ORC1: variants seen among roughly 807,000 people sequenced by gnomAD.
The protein encoded by ORC1 is origin recognition complex subunit 1.
ORC1 carries 61 observed loss-of-function variants against 98.9 expected under a neutral mutation model. The observed-to-expected ratio is 0.62, with a 90% CI of 0.50 to 0.76. The LOEUF (loss-of-function observed/expected upper bound fraction) is 0.76. Among genes scored for constraint, ORC1 ranks in the 30% least tolerant of loss-of-function variants. The pLI is 0.00. For missense variants in ORC1, 979 were observed against 1,072.2 expected, an observed-to-expected ratio of 0.91 and a Z score of 1.21; for synonymous variants, 385 against 406.9, an observed-to-expected ratio of 0.95 and a Z score of 0.65.
intron 13 of ORC1, among the ~76,000 whole-genome samples, chr1:52,382,496 G>A (rs1647084493): frequency 6.6e-6 from 1 of 151,924 alleles, no homozygotes; most frequent in Non-Finnish European, 1.5e-5. Context: ...GCCTGTGAGG[G>A]CAGACATTGC....
chr1:52,401,935 T>C (rs1647729339), intron 2 of ORC1, among the ~76,000 whole-genome samples, 194 bp downstream of exon 2: 1 of 152,222 alleles, frequency 6.6e-6, no homozygotes, highest in African/African-American at 2.4e-5. Context: ...GAGCCTGCCA[T>C]AATTTTGCTC....
At chr1:52,391,114 G>T (rs1647204122) in intron 6 of ORC1, among the ~76,000 whole-genome samples, 1 of 151,810 alleles carries the variant, frequency 6.6e-6, no homozygotes, top group African/African-American at 2.4e-5. Context: ...TTCGAGACCA[G>T]CCTGGCCAAT....
Position 52,383,946 on chromosome 1 carries a change from G to A in ORC1, c.1756-9C>T. The A allele has an allele frequency of 1.2e-6, 2 of 1,611,356 alleles. No homozygotes were observed. Among genetic ancestry groups the A allele is most frequent in the Non-Finnish European group, 1.7e-6 (2 of 1,177,464 alleles). On this transcript the variant is annotated splice_polypyrimidine_tract_variant and intron_variant, in intron 11 of 16. Coordinates refer to ENST00000371568, the MANE Select transcript of ORC1 (RefSeq NM_004153.4). ...TTTTGGCCTGTTAGCTTCTGCATTA[G>A]GAGAAACACAGTTGTGAGGAACTGT... is the stretch of plus-strand genomic sequence containing the variant.
At chr1:52,400,902 T>C (rs1297534984) in intron 3 of ORC1, among the ~76,000 whole-genome samples, 1 of 152,232 alleles carries the variant, frequency 6.6e-6, no homozygotes, top group Non-Finnish European at 1.5e-5. Context: ...ATCTTAAGTG[T>C]TTTTGTTTTC....
upstream of ORC1, chr1:52,408,869 G>A (rs970093867): frequency 6.2e-6 from 4 of 644,798 alleles, no homozygotes; most frequent in South Asian, 2.2e-5. Flanking sequence ...TACTAGCTTC[G>A]TGTTGGCCTT....
chr1:52,396,019 C>T, intron 5 of ORC1, 27 bp downstream of exon 5: 1 of 1,614,056 alleles, frequency 6.2e-7, no homozygotes, highest in Non-Finnish European at 8.5e-7. Context: ...CCCAGTATTG[C>T]CCACGGTGAT....
intron 3 of ORC1, among the ~76,000 whole-genome samples, 168 bp from the exon 4 acceptor site, chr1:52,398,031 T>G (rs1035045417): frequency 6.6e-6 from 1 of 152,106 alleles, no homozygotes; most frequent in African/African-American, 2.4e-5. Context: ...TGGCCCCATC[T>G]TGGCTCACTG....
At position 52,375,451 on chromosome 1, in the gene ORC1, G is replaced by A. The variant is rs759870248; in HGVS notation, c.2282C>T (p.Ser761Leu). Reference sequence around the variant, plus strand: ...TTACTTGATGGCCGTGATGTATGATGATGAAAACATCTCATCCACAGCTTC... The same window carrying A: ...TTACTTGATGGCCGTGATGTATGATAATGAAAACATCTCATCCACAGCTTC... ...SMEAVDEMFS[S>L]SYITAIKNSS... The change falls in exon 15 of 17, where the codon TCA becomes TTA. Residue 761 changes from serine (S) to leucine (L), a missense_variant. Transcript: ENST00000371568. The A allele has an allele frequency of 1.9e-5, 30 of 1,614,046 alleles. No individual in the cohort carries two copies. The highest frequency in any genetic ancestry group is 3.3e-5 in the Admixed American group (2 of 60,002).
In ORC1 at chr1:52,402,175, C is replaced by T. The variant is rs759344414; in HGVS notation, c.49G>A (p.Val17Ile). The T allele has an allele frequency of 4.3e-6, 7 of 1,614,064 alleles. No individual in the cohort carries two copies. In the African/African-American group the frequency reaches 5.3e-5, roughly 12 times the overall value. Residue 17 changes from valine to isoleucine, a missense_variant, in exon 2 of 17, where the codon GTT becomes ATT. By Grantham distance (29) the Val-to-Ile change is conservative (BLOSUM62 3). Coordinates refer to ENST00000371568, the MANE Select transcript of ORC1 (RefSeq NM_004153.4). ...RLKTRKTYSW[V>I]GRPLLDRKLH... ...TTTCGATCCAACAAGGGCCTGCCAA[C>T]CCATGAATAAGTTTTTCTGGTCTTC...
chr1:52,393,131 T>C (rs535600450), intron 6 of ORC1, among the ~76,000 whole-genome samples: 1 of 152,370 alleles, frequency 6.6e-6, no homozygotes, highest in South Asian at 2.1e-4. Flanking sequence ...CCACAGGAAC[T>C]AATGAAATCC....
intron 14 of ORC1, among the ~76,000 whole-genome samples, chr1:52,378,907 C>A (rs1647028032): frequency 6.6e-6 from 1 of 151,436 alleles, no homozygotes; most frequent in African/African-American, 2.4e-5. Flanking sequence ...TTGGCGGGCA[C>A]CTGTAGTCCC....
upstream of ORC1, chr1:52,405,620 T>C (rs1025011997): frequency 2.3e-5 from 36 of 1,542,800 alleles, no homozygotes; most frequent in Non-Finnish European, 3.0e-5. Context: ...TTGAACTAAC[T>C]CCACTCCAAC....
At chr1:52,405,452 T>G (rs1197689607), upstream of ORC1, among the ~76,000 whole-genome samples, 1 of 152,250 alleles carries the variant, frequency 6.6e-6, no homozygotes, top group African/African-American at 2.4e-5. Context: ...TCTTCATGAC[T>G]TGTTAAAAAA....
intron 9 of ORC1, among the ~76,000 whole-genome samples, chr1:52,385,547 T>C (rs376819565): frequency 6.6e-6 from 1 of 152,130 alleles, no homozygotes; most frequent in East Asian, 1.9e-4. Context: ...AGTCTCCATA[T>C]GGTTCTAAAG....
intron 7 of ORC1, among the ~76,000 whole-genome samples, chr1:52,388,855 G>A (rs548863342): frequency 1.3e-5 from 2 of 152,172 alleles, no homozygotes; most frequent in South Asian, 4.2e-4. Context: ...TTTTGTAGAT[G>A]AGGAATTTCA....
chr1:52,395,945 G>A (rs1647372489), intron 5 of ORC1, 101 bp downstream of exon 5: 1 of 1,550,626 alleles, frequency 6.4e-7, no homozygotes. Context: ...AGGCTATAGT[G>A]CACTGTGATC....
chr1:52,408,020 C>T (rs538171613), upstream of ORC1, among the ~76,000 whole-genome samples: 75 of 152,352 alleles, frequency 4.9e-4, no homozygotes, highest in African/African-American at 1.4e-3. Context: ...CGTGCCACTG[C>T]ACTCCAGCCT....
At chr1:52,405,343 A>C (rs2147952690), upstream of ORC1, among the ~76,000 whole-genome samples, 1 of 152,292 alleles carries the variant, frequency 6.6e-6, no homozygotes, top group South Asian at 2.1e-4. Flanking sequence ...TGTGGCTTTA[A>C]ATCCATGTCC....
rs184314414 is a variant in ORC1 at position 52,381,670 on chromosome 1, T to C, written c.2105A>G (p.Asp702Gly). 4.7e-5 allele frequency: 76 copies of C among 1,613,158 alleles called. No individual in the cohort carries two copies. The African/African-American group carries it at 8.0e-4, about 17-fold the overall frequency. Residue 702 changes from aspartate to glycine, a missense_variant, in exon 14 of 17, where the codon GAT becomes GGT. By Grantham distance (94) the Asp-to-Gly change is moderately conservative. Transcript: ENST00000371568. ...CCTGGCTACCAGCTGGATGGCATCATCTTCAAAGGCCTTTAGATGCTTGAG... is the reference window on the plus strand; with the variant it reads ...CCTGGCTACCAGCTGGATGGCATCACCTTCAAAGGCCTTTAGATGCTTGAG... Reference protein sequence around the residue: ...SRLKHLKAFEDDAIQLVARKV... With the variant: ...SRLKHLKAFEGDAIQLVARKV...
Sources: gnomAD v4.1 joint callset for allele counts (sites outside exome capture counted in the v4.1 genomes callset) on GRCh38, gnomAD v4.1.1 for gene constraint, MANE v1.5 for transcripts, NCBI Gene and HGNC (gene_info 2026-07-23, HGNC 2026-07-21) for gene names.